TOX2: variants seen among roughly 807,000 people sequenced by gnomAD.
The protein encoded by TOX2 is TOX high mobility group box family member 2, also known as granulosa cell HMG box 1.
In TOX2, 15 loss-of-function variants were observed where a neutral mutation model predicts 47.4. The ratio of observed to expected loss-of-function variants is 0.32; its 90% CI spans 0.21 to 0.49. The LOEUF is 0.49. Ranked by LOEUF, TOX2 falls within the 20% of genes least tolerant of loss-of-function variation. The pLI is 0.99. For synonymous variants in TOX2, 290 were observed against 296.6 expected (o/e 0.98, Z 0.23); for missense variants, 622 against 673.1 (o/e 0.92, Z 0.84).
At chr20:44,065,597 C>T (rs2071799074) in intron 6 of TOX2, 115 bp from the exon 7 acceptor site, 1 of 1,314,480 alleles carries the variant, frequency 7.6e-7, no homozygotes, top group African/African-American at 1.5e-5. Flanking sequence ...AGCTCTCTCC[C>T]AAGACAGCCA....
chr20:43,923,477 C>T (rs1324593896), intron 1 of TOX2, among the ~76,000 whole-genome samples: 1 of 152,166 alleles, frequency 6.6e-6, no homozygotes, highest in Non-Finnish European at 1.5e-5. Context: ...CTCAGCAGGC[C>T]TGGGGAGGAG....
chr20:44,005,912 G>A (rs1308530962), intron 2 of TOX2, among the ~76,000 whole-genome samples: 2 of 152,058 alleles, frequency 1.3e-5, no homozygotes, highest in African/African-American at 4.8e-5. Flanking sequence ...GCGTTGTCCT[G>A]GAGGTTCCTG....
chr20:43,917,870 G>A (rs1170217123), intron 1 of TOX2, among the ~76,000 whole-genome samples: 1 of 152,174 alleles, frequency 6.6e-6, no homozygotes, highest in East Asian at 1.9e-4. Context: ...ATGTAATAAA[G>A]GTGCTTTTTG....
At chr20:43,938,696 G>A (rs1406048128) in intron 1 of TOX2, among the ~76,000 whole-genome samples, 2 of 152,166 alleles carry the variant, frequency 1.3e-5, no homozygotes, top group African/African-American at 2.4e-5. Flanking sequence ...GCTGGCATTC[G>A]AACCTGCATC....
At chr20:44,006,419 ACAT>A in intron 2 of TOX2, 125 bp from the exon 3 acceptor site, 1 of 1,435,438 alleles carries the variant, frequency 7.0e-7, no homozygotes. Flanking sequence ...CCTTGCAGAA[ACAT>A]CATCCCTTCT....
intron 1 of TOX2, among the ~76,000 whole-genome samples, chr20:43,927,101 C>T (rs1480286336): frequency 6.6e-6 from 1 of 152,208 alleles, no homozygotes; most frequent in Non-Finnish European, 1.5e-5. Context: ...ACAAATTTCT[C>T]TGCATCTAGG....
At chr20:43,969,837 G>A (rs1047578782) in intron 1 of TOX2, among the ~76,000 whole-genome samples, 1 of 152,214 alleles carries the variant, frequency 6.6e-6, no homozygotes, top group East Asian at 1.9e-4. Flanking sequence ...ACTACAGCAC[G>A]TGGCAGCTCT....
intron 1 of TOX2, among the ~76,000 whole-genome samples, chr20:43,946,461 G>T (rs1041901601): frequency 2.0e-5 from 3 of 152,152 alleles, no homozygotes; most frequent in Admixed American, 2.0e-4. Context: ...AGTGACAGGG[G>T]CCTTCCAAGA....
intron 5 of TOX2, among the ~76,000 whole-genome samples, chr20:44,059,646 A>G (rs1232602573): frequency 1.3e-5 from 2 of 152,234 alleles, no homozygotes; most frequent in African/African-American, 2.4e-5. Context: ...CGATTAGCCA[A>G]GAATTTTGTA....
rs1448079277 is a variant in TOX2 at position 43,915,056 on chromosome 20, G to C, written c.99+66G>C. The stretch of plus-strand genomic sequence containing the variant: ...GAGTCACCTGGCAGCTCGGGACTCA[G>C]GCGCTCCCGGGGTCACACGGGGCCG... On this transcript the variant is annotated intron_variant, in intron 1 of 8. Transcript: ENST00000341197. The surrounding 1 kb of genome is among the most constrained non-coding windows in gnomAD (Gnocchi z 7.1). 20 of 1,003,796 alleles carry C rather than the reference G, an allele frequency of 2.0e-5. No homozygotes were observed. The highest frequency in any genetic ancestry group is 2.4e-5 in the Non-Finnish European group (19 of 803,256). The allele number at this position is 1,003,796 out of a possible 1,614,324, so 62.2% of individuals were successfully genotyped here. A position where few individuals can be genotyped will look rare whatever the true frequency, so the allele number is the denominator to read the frequency against.
rs1484873575 is a variant in TOX2 at position 44,066,120 on chromosome 20, GAGC to G, written c.1356+16_1356+18del. The stretch of plus-strand genomic sequence containing the variant: ...TCCAGGGCCACAGGTAAGCAGGGAA[GAGC>G]AGAACAGCCCTTCTGTGACCGTGTG... On this transcript the variant is annotated intron_variant, in intron 7 of 8. Transcript: ENST00000341197. 6.6e-7 allele frequency: 1 copy of G among 1,524,874 alleles called. No individual in the cohort carries two copies. Among genetic ancestry groups the G allele is most frequent in the Non-Finnish European group, 8.8e-7 (1 of 1,139,508 alleles). The allele number at this position is 1,524,874 out of a possible 1,614,324, so 94.5% of individuals were successfully genotyped here.
At chr20:44,052,263 T>C (rs1316429351) in intron 4 of TOX2, among the ~76,000 whole-genome samples, 2 of 152,180 alleles carry the variant, frequency 1.3e-5, no homozygotes, top group African/African-American at 2.4e-5. Context: ...GCCCGCCACC[T>C]GTCCGGGCTC....
Position 43,915,690 on chromosome 20 carries a change from A to C in TOX2, c.99+700A>C, listed in dbSNP as rs1251960121. 6.6e-6 allele frequency among the ~76,000 whole-genome samples: 1 copy of C among 152,122 alleles called. No homozygotes were observed. Among genetic ancestry groups the C allele is most frequent in the Non-Finnish European group, 1.5e-5 (1 of 68,002 alleles). ...GTTTAACTTCTCAGCGCCGCAGCAC[A>C]CTAATTGGGCAGTTTACTAATTGGC... On this transcript the variant is annotated intron_variant, in intron 1 of 8. Transcript: ENST00000341197. The surrounding 1 kb of genome is among the most constrained non-coding windows in gnomAD (Gnocchi z 7.1).
At chr20:44,021,994 G>A (rs1293223423) in intron 3 of TOX2, among the ~76,000 whole-genome samples, 1 of 152,132 alleles carries the variant, frequency 6.6e-6, no homozygotes, top group Non-Finnish European at 1.5e-5. Flanking sequence ...ACTGCAAAAT[G>A]AATTCCAGAT....
chr20:44,040,985 T>G (rs1465543188), intron 3 of TOX2, among the ~76,000 whole-genome samples: 1 of 152,002 alleles, frequency 6.6e-6, no homozygotes, highest in African/African-American at 2.4e-5. Flanking sequence ...AGGTGGGGGC[T>G]GTCTAGAAGC....
intron 1 of TOX2, among the ~76,000 whole-genome samples, chr20:43,932,781 C>CT (rs1329918508): frequency 5.7e-5 from 8 of 140,340 alleles, no homozygotes; most frequent in African/African-American, 1.5e-4. Flanking sequence ...GCTGCCCCCC[C>CT]CCGCCATTTC....
At position 43,987,429 on chromosome 20, in the gene TOX2, CCTTT is replaced by C. The variant is rs2070285970; in HGVS notation, c.165+13998_165+14001del. 6.6e-5 allele frequency among the ~76,000 whole-genome samples: 10 copies of C among 152,208 alleles called. No individual in the cohort carries two copies. In the South Asian group the frequency reaches 2.1e-3, roughly 32 times the overall value. ...AGGTGCTGGGAAGGTTTTCTCCCTTCCTTTGAGTGCTGTTTACACAAATCTGTTC... is the reference window on the plus strand; with the variant it reads ...AGGTGCTGGGAAGGTTTTCTCCCTTCGAGTGCTGTTTACACAAATCTGTTC... On this transcript the variant is annotated intron_variant, in intron 2 of 8. Coordinates refer to ENST00000341197, the MANE Select transcript of TOX2 (RefSeq NM_001098797.2).
rs187887446 is a variant in TOX2 at position 44,033,923 on chromosome 20, G to T, written c.412-17383G>T. 3.3e-5 allele frequency among the ~76,000 whole-genome samples: 5 copies of T among 152,188 alleles called. No homozygotes were observed. In the East Asian group the frequency reaches 9.6e-4, roughly 29 times the overall value. On this transcript the variant is annotated intron_variant, in intron 3 of 8. Coordinates refer to ENST00000341197, the MANE Select transcript of TOX2 (RefSeq NM_001098797.2). ...TGCTGCCTTCTCAGAGGACTGAGAC[G>T]TGTCGACTTTCACTGGGGAGGCAGA...
intron 1 of TOX2, among the ~76,000 whole-genome samples, chr20:43,933,742 A>G (rs1221257622): frequency 6.6e-6 from 1 of 152,152 alleles, no homozygotes; most frequent in Non-Finnish European, 1.5e-5. Flanking sequence ...GAGAGGTATC[A>G]TGCCTCCTGT....
Sources: gnomAD v4.1 joint callset for allele counts (sites outside exome capture counted in the v4.1 genomes callset) on GRCh38, gnomAD v4.1.1 for gene constraint, Gnocchi (gnomAD v3.1) non-coding constraint, MANE v1.5 for transcripts, NCBI Gene and HGNC (gene_info 2026-07-23, HGNC 2026-07-21) for gene names.